CACNG2: variants seen among roughly 807,000 people sequenced by gnomAD.
CACNG2 encodes the protein calcium voltage-gated channel auxiliary subunit gamma 2.
Under a neutral mutation model 25.9 loss-of-function variants are expected in CACNG2, and 3 were observed. The observed-to-expected ratio is 0.12, with a 90% CI of 0.05 to 0.30. The LOEUF (loss-of-function observed/expected upper bound fraction) is 0.30. CACNG2 is among the 10% of genes least tolerant of loss of function. The pLI is 1.00. For synonymous variants in CACNG2, 167 were observed against 173.3 expected, an observed-to-expected ratio of 0.96 and a Z score of 0.29; for missense variants, 341 against 432.5, an observed-to-expected ratio of 0.79 and a Z score of 1.88.
chr22:36,573,847 T>A (rs1238613672), intron 2 of CACNG2, among the ~76,000 whole-genome samples: 1 of 152,120 alleles, frequency 6.6e-6, no homozygotes, highest in African/African-American at 2.4e-5. Context: ...CCTGAGGAAG[T>A]GGTGGTAGAG....
chr22:36,673,505 G>A (rs536682788), intron 1 of CACNG2, among the ~76,000 whole-genome samples: 1 of 152,246 alleles, frequency 6.6e-6, no homozygotes, highest in African/African-American at 2.4e-5. Flanking sequence ...ATTCTTAAAT[G>A]TTGTGAAAAT....
At chr22:36,662,985 A>T (rs1936821379) in intron 1 of CACNG2, among the ~76,000 whole-genome samples, 1 of 151,976 alleles carries the variant, frequency 6.6e-6, no homozygotes, top group Admixed American at 6.5e-5. Flanking sequence ...ATCAAATAAT[A>T]GTTGTTGAAT....
chr22:36,686,259 C>T lies in CACNG2; in HGVS notation c.211+16107G>A, dbSNP rs149439607. Among the ~76,000 whole-genome samples the T allele has an allele frequency of 2.9e-3, 439 of 152,264 alleles. 2 individuals are homozygous for T. The highest frequency in any genetic ancestry group is 4.4e-3 in the Non-Finnish European group (298 of 68,020). ...GCATACCAAGACAACAGCAACAGCT[C>T]GCTGCCACAACCCTCCTCAGATATA... On this transcript the variant is annotated intron_variant, in intron 1 of 3. Coordinates refer to ENST00000300105, the MANE Select transcript of CACNG2 (RefSeq NM_006078.5).
At chr22:36,597,946 T>C (rs1935701507) in intron 1 of CACNG2, among the ~76,000 whole-genome samples, 1 of 152,226 alleles carries the variant, frequency 6.6e-6, no homozygotes, top group Admixed American at 6.5e-5. Context: ...TGCAAGTCTG[T>C]AAGCTCCTCA....
Position 36,564,774 on chromosome 22 carries a change from C to G in CACNG2, c.549G>C (p.Gly183=). Residue 183 remains glycine (G), a synonymous_variant, in exon 4 of 4, where the codon GGG becomes GGC. Coordinates refer to ENST00000300105, the MANE Select transcript of CACNG2 (RefSeq NM_006078.5). This position sits in a 1 kb window ranked among gnomAD's most constrained non-coding sequence, Gnocchi z 6.7. Reference sequence around the variant, plus strand: ...TCTCGGCGATGATGAAGGACAGGGCCCCGAAGTAGAAGGACCAGCCGTATG... The same window carrying G: ...TCTCGGCGATGATGAAGGACAGGGCGCCGAAGTAGAAGGACCAGCCGTATG... ...SYSYGWSFYF[G]ALSFIIAEMV... The G allele has an allele frequency of 6.2e-7, 1 of 1,614,174 alleles. No homozygotes were observed.
At chr22:36,656,041 C>T (rs956690888) in intron 1 of CACNG2, among the ~76,000 whole-genome samples, 1 of 152,242 alleles carries the variant, frequency 6.6e-6, no homozygotes, top group African/African-American at 2.4e-5. Flanking sequence ...CTCCTGACCT[C>T]AGGTGATCTG....
At chr22:36,614,219 C>T (rs189416469) in intron 1 of CACNG2, among the ~76,000 whole-genome samples, 20 of 152,356 alleles carry the variant, frequency 1.3e-4, no homozygotes, top group South Asian at 8.3e-4. Context: ...GGACCCACCA[C>T]GCTCTCTCCT....
intron 1 of CACNG2, among the ~76,000 whole-genome samples, chr22:36,698,182 A>C (rs1937365144): frequency 2.1e-5 from 3 of 146,334 alleles, no homozygotes; most frequent in Non-Finnish European, 3.0e-5. Flanking sequence ...CTCTCTCCCC[A>C]CTCTCCTCCC....
chr22:36,665,255 C>G (rs1936859895), intron 1 of CACNG2, among the ~76,000 whole-genome samples: 1 of 152,150 alleles, frequency 6.6e-6, no homozygotes. Context: ...AGTCAAGCTG[C>G]CTGGGTTCGA....
intron 1 of CACNG2, among the ~76,000 whole-genome samples, chr22:36,594,836 G>A (rs989464345): frequency 7.9e-4 from 120 of 151,106 alleles, no homozygotes; most frequent in Non-Finnish European, 1.4e-3. Flanking sequence ...ACATCGGTGT[G>A]TGTGTGTGCA....
rs555398950 is a variant in CACNG2, at chr22:36,561,392, C to T, written c.*2959G>A. On this transcript the variant is annotated 3_prime_UTR_variant, in exon 4 of 4. Transcript: ENST00000300105. ...GAGAGGGGTAGAGTTCAGTTTCTGC[C>T]CAGACTGAGGGCAACTTGGTTGTTG... 1 of 152,458 alleles carries T rather than the reference C, an allele frequency of 6.6e-6. No individual in the cohort carries two copies. The highest frequency in any genetic ancestry group is 2.1e-4 in the South Asian group (1 of 4,830). 9.4% of individuals were successfully genotyped at this position (152,458 alleles called of 1,614,324 possible).
At chr22:36,579,430 A>T (rs1031685776) in intron 2 of CACNG2, among the ~76,000 whole-genome samples, 39 of 143,482 alleles carry the variant, frequency 2.7e-4, no homozygotes, top group Non-Finnish European at 4.6e-4. Flanking sequence ...AAAAAAAAAA[A>T]GCTGCCGGCT....
In CACNG2 at chr22:36,564,289, C is replaced by T. The variant is rs1209955694; in HGVS notation, c.*62G>A. The T allele has an allele frequency of 6.6e-7, 1 of 1,503,988 alleles. No individual in the cohort carries two copies. The highest frequency in any genetic ancestry group is 9.0e-7 in the Non-Finnish European group (1 of 1,106,634). 93.2% of individuals were successfully genotyped at this position (1,503,988 alleles called of 1,614,324 possible). A position where few individuals can be genotyped will look rare whatever the true frequency, so the allele number is the denominator to read the frequency against. On this transcript the variant is annotated 3_prime_UTR_variant, in exon 4 of 4. Coordinates refer to ENST00000300105, the MANE Select transcript of CACNG2 (RefSeq NM_006078.5). This position sits in a 1 kb window ranked among gnomAD's most constrained non-coding sequence, Gnocchi z 6.7. ...CCAGCGGAGGGTCTGGGTCTCCCCG[C>T]CCCGCCCCGCCCCCGGGGACCGCGC...
chr22:36,565,034 G>C, intron 3 of CACNG2, 148 bp from the exon 4 acceptor site: 1 of 693,520 alleles, frequency 1.4e-6, no homozygotes, highest in Non-Finnish European at 2.5e-6. Flanking sequence ...GGGCGGTGTA[G>C]ATGGACATCC....
intron 2 of CACNG2, among the ~76,000 whole-genome samples, chr22:36,571,754 A>G (rs1246238959): frequency 6.7e-6 from 1 of 149,060 alleles, no homozygotes; most frequent in Non-Finnish European, 1.5e-5. Context: ...GTGCACACCC[A>G]TAGCCCCAGC....
chr22:36,594,493 C>T (rs533731943), intron 1 of CACNG2, among the ~76,000 whole-genome samples: 3 of 152,326 alleles, frequency 2.0e-5, no homozygotes, highest in Admixed American at 6.5e-5. Flanking sequence ...AGAAAACACA[C>T]GCTGTGGTGT....
intron 3 of CACNG2, among the ~76,000 whole-genome samples, chr22:36,565,848 C>A (rs1935115558): frequency 6.6e-6 from 1 of 152,198 alleles, no homozygotes; most frequent in Non-Finnish European, 1.5e-5. Flanking sequence ...TTTCTGGCAT[C>A]TGAAGTGAGT....
chr22:36,672,038 G>T (rs762915438), intron 1 of CACNG2, among the ~76,000 whole-genome samples: 4 of 152,190 alleles, frequency 2.6e-5, no homozygotes, highest in Admixed American at 2.0e-4. Context: ...CTCAGACAGG[G>T]TAAAGATATC....
chr22:36,660,831 T>C (rs1936781628), intron 1 of CACNG2, among the ~76,000 whole-genome samples: 1 of 152,216 alleles, frequency 6.6e-6, no homozygotes, highest in Admixed American at 6.5e-5. Flanking sequence ...TCTGCTAAAG[T>C]TTTTTAAATC....
Sources: gnomAD v4.1 joint callset for allele counts (sites outside exome capture counted in the v4.1 genomes callset) on GRCh38, gnomAD v4.1.1 for gene constraint, Gnocchi (gnomAD v3.1) non-coding constraint, MANE v1.5 for transcripts, NCBI Gene and HGNC (gene_info 2026-07-23, HGNC 2026-07-21) for gene names.